CEP192: variants seen among roughly 807,000 people sequenced by gnomAD.
The protein encoded by CEP192 is centrosomal protein 192.
A neutral mutation model predicts 271.8 loss-of-function variants in CEP192; 151 were observed. The observed-to-expected ratio is 0.56, with a 90% CI of 0.49 to 0.64. CEP192 has a LOEUF of 0.64. CEP192 is among the 30% of genes least tolerant of loss of function. CEP192 has a pLI of 0.00. For synonymous variants in CEP192, 995 were observed against 1,076.5 expected (o/e 0.92, Z 1.48); for missense variants, 2,910 against 3,020.5 (o/e 0.96, Z 0.86).
Position 13,104,934 on chromosome 18 carries a change from T to C in CEP192, c.6952-50T>C, listed in dbSNP as rs758474562. The C allele has an allele frequency of 7.6e-6, 10 of 1,319,266 alleles. No individual in the cohort carries two copies. In the Admixed American group the frequency reaches 1.7e-4, roughly 22 times the overall value. 81.7% of individuals were successfully genotyped at this position (1,319,266 alleles called of 1,614,324 possible). A position where few individuals can be genotyped will look rare whatever the true frequency, so the allele number is the denominator to read the frequency against. On this transcript the variant is annotated intron_variant, in intron 39 of 44. Transcript: ENST00000506447. ...AGAGGTAATAGTGTCTCTGTGGGAT[T>C]TATCCATTGGCTTTATGGTTTTTAA...
In CEP192 at chr18:13,084,464, G is replaced by C. The variant is rs528884313; in HGVS notation, c.5617-2553G>C. Among the ~76,000 whole-genome samples, 3 of 152,322 alleles carry C rather than the reference G, an allele frequency of 2.0e-5. No homozygotes were observed. The South Asian group carries it at 6.2e-4, about 32-fold the overall frequency. On this transcript the variant is annotated intron_variant, in intron 30 of 44. Coordinates refer to ENST00000506447, the MANE Select transcript of CEP192 (RefSeq NM_032142.4). ...GATAAAATCTCCTGGTGTGCCGTTT[G>C]CTAAGAGTGTTGGAAAAGCACAGTA...
At chr18:13,118,865 C>T (rs1350459455) in intron 44 of CEP192, among the ~76,000 whole-genome samples, 1 of 152,184 alleles carries the variant, frequency 6.6e-6, no homozygotes, top group Non-Finnish European at 1.5e-5. Flanking sequence ...TGCATCAACA[C>T]TCACTCTACA....
In CEP192 at chr18:13,020,530, G is replaced by A. The variant is rs543764932; in HGVS notation, c.1050+1324G>A. On this transcript the variant is annotated intron_variant, in intron 9 of 44. Transcript: ENST00000506447. ...TTTGGCTTTTGAGTGTAATGCTGCC[G>A]TGAACATCAGTATACAAATACCTGT... is the stretch of plus-strand genomic sequence containing the variant. 4.9e-4 allele frequency among the ~76,000 whole-genome samples: 75 copies of A among 152,156 alleles called. 1 individual carries two copies. Among genetic ancestry groups the A allele is most frequent in the African/African-American group, 1.7e-3 (69 of 41,516 alleles).
chr18:13,124,773 A>G lies in CEP192; in HGVS notation c.*3A>G. ...GTGAAGCTCTTGGAAAAAATTAACT[A>G]GAATACATTTTTGTGTAAAGTAAAT... On this transcript the variant is annotated 3_prime_UTR_variant, in exon 45 of 45. Transcript: ENST00000506447. 1.3e-6 allele frequency: 2 copies of G among 1,597,768 alleles called. No homozygotes were observed. Among genetic ancestry groups the G allele is most frequent in the African/African-American group, 1.3e-5 (1 of 74,812 alleles).
At chr18:13,000,536 A>G (rs1262146901) in intron 2 of CEP192, 2 of 152,172 alleles carry the variant, frequency 1.3e-5, no homozygotes, top group Non-Finnish European at 2.9e-5. Context: ...TTTACTCTTT[A>G]CTGGACTTGT....
At chr18:13,096,388 T>C in intron 36 of CEP192, 81 bp downstream of exon 36, 2 of 1,550,600 alleles carry the variant, frequency 1.3e-6, no homozygotes, top group East Asian at 2.3e-5. Context: ...AATATGTCAT[T>C]GTAGTTTATC....
intron 2 of CEP192, among the ~76,000 whole-genome samples, chr18:13,000,091 C>CTTTTTTTTTTTTT (rs775544715): frequency 9.1e-5 from 7 of 76,754 alleles, no homozygotes; most frequent in East Asian, 3.8e-4. Context: ...TGTCTTCTCT[C>CTTTTTTTTTTTTT]TTTTTTTTTT....
chr18:13,067,397 C>CA (rs747641908), intron 21 of CEP192, among the ~76,000 whole-genome samples: 3 of 152,120 alleles, frequency 2.0e-5, no homozygotes, highest in Non-Finnish European at 4.4e-5. Flanking sequence ...CTGTCATGAT[C>CA]ATAGGCACTT....
Position 13,008,474 on chromosome 18 carries a change from G to T in CEP192, c.309G>T (p.Lys103Asn), listed in dbSNP as rs778695857. Residue 103 changes from lysine to asparagine, a missense_variant, in exon 4 of 45, where the codon AAG (lysine) becomes AAT (asparagine). Coordinates refer to ENST00000506447, the MANE Select transcript of CEP192 (RefSeq NM_032142.4). ...AAAAAAGTTCTATCTCTAGGAAAAA[G>T]AGCTATGTGGAAAGTCAACGTTTGT... ...FQDDDSISRK[K>N]SYVESQRLSN... The T allele has an allele frequency of 7.7e-6, 12 of 1,548,454 alleles. No homozygotes were observed. Among genetic ancestry groups the T allele is most frequent in the Non-Finnish European group, 9.6e-6 (11 of 1,145,628 alleles).
Position 13,001,574 on chromosome 18 carries a change from GGAT to G in CEP192, c.288_290del (p.Asp97del), listed in dbSNP as rs1469878730. The stretch of plus-strand genomic sequence containing the variant: ...GAGAGAGGTTACAGCTTAGCTTCCA[GGAT>G]GATGAGTAAGTTCATACCTTCATTT... On this transcript the variant is annotated inframe_deletion, in exon 3 of 45. Transcript: ENST00000506447. 1.9e-6 allele frequency: 3 copies of G among 1,547,018 alleles called. No homozygotes were observed. The African/African-American group carries it at 4.1e-5, about 21-fold the overall frequency.
At chr18:13,119,824 T>C (rs1334885301) in intron 44 of CEP192, among the ~76,000 whole-genome samples, 1 of 152,238 alleles carries the variant, frequency 6.6e-6, no homozygotes, top group Non-Finnish European at 1.5e-5. Context: ...AAGAGTCTAG[T>C]ACCAACTTTA....
intron 29 of CEP192, 49 bp downstream of exon 29, chr18:13,072,894 A>G (rs879005660): frequency 2.6e-6 from 4 of 1,533,264 alleles, no homozygotes; most frequent in South Asian, 2.2e-5. Context: ...TGGGTCTGGA[A>G]CACTTGCATA....
chr18:13,122,011 G>A lies in CEP192; in HGVS notation c.7476-2621G>A, dbSNP rs539490039. 7.2e-5 allele frequency among the ~76,000 whole-genome samples: 11 copies of A among 152,322 alleles called. No individual in the cohort carries two copies. In the East Asian group the frequency reaches 1.5e-3, roughly 21 times the overall value. On this transcript the variant is annotated intron_variant, in intron 44 of 44. Transcript: ENST00000506447. The stretch of plus-strand genomic sequence containing the variant: ...TTCCTTTAAAAAAATGTTTTGGGCC[G>A]GGCATGGTGGCCCATGCCTGTGATC...
At chr18:13,031,029 C>T (rs1468521507) in intron 11 of CEP192, among the ~76,000 whole-genome samples, 1 of 151,698 alleles carries the variant, frequency 6.6e-6, no homozygotes, top group Admixed American at 6.6e-5. Flanking sequence ...ACAGTGAAAT[C>T]TCAAGGGATA....
intron 21 of CEP192, among the ~76,000 whole-genome samples, chr18:13,066,961 GTC>G (rs1468742961): frequency 8.1e-6 from 1 of 122,864 alleles, no homozygotes; most frequent in Non-Finnish European, 1.7e-5. Flanking sequence ...ATGTGAGCAC[GTC>G]TGTGTGTGTG....
At chr18:13,110,782 C>G (rs1051633492) in intron 40 of CEP192, among the ~76,000 whole-genome samples, 1 of 152,154 alleles carries the variant, frequency 6.6e-6, no homozygotes, top group African/African-American at 2.4e-5. Context: ...TCAGAGGGCC[C>G]CTGGCCAAAC....
intron 44 of CEP192, among the ~76,000 whole-genome samples, chr18:13,118,733 A>G (rs1244783603): frequency 6.6e-6 from 1 of 152,246 alleles, no homozygotes; most frequent in Non-Finnish European, 1.5e-5. Context: ...TACTGACAGC[A>G]TAGAATTGTG....
rs759979248 is a variant in CEP192 at position 13,052,903 on chromosome 18, T to TCCAGTCCTTCA, written c.3018-16_3018-15insCCAGTCCTTCA. The TCCAGTCCTTCA allele has an allele frequency of 6.4e-7, 1 of 1,552,574 alleles. No individual in the cohort carries two copies. Among genetic ancestry groups the TCCAGTCCTTCA allele is most frequent in the African/African-American group, 1.4e-5 (1 of 73,330 alleles). On this transcript the variant is annotated splice_polypyrimidine_tract_variant and intron_variant, in intron 17 of 44. Transcript: ENST00000506447. ...GGACTGGAGAACTCCAGGTGTGAGC[T>TCCAGTCCTTCA]ACTCTTCTCTTTCAGGTGTGCGTTA...
chr18:13,087,774 G>C, intron 32 of CEP192, 128 bp downstream of exon 32: 1 of 439,800 alleles, frequency 2.3e-6, no homozygotes, highest in Admixed American at 4.1e-5. Context: ...GAAAAATCTT[G>C]GTAGAATTTA....
Sources: gnomAD v4.1 joint callset for allele counts (sites outside exome capture counted in the v4.1 genomes callset) on GRCh38, gnomAD v4.1.1 for gene constraint, MANE v1.5 for transcripts, NCBI Gene and HGNC (gene_info 2026-07-23, HGNC 2026-07-21) for gene names.